The following COMMD10 variants were observed in gnomAD, a reference collection of about 807,000 sequenced individuals.
The protein encoded by COMMD10 is COMM domain-containing protein 10.
COMMD10 carries 33 observed loss-of-function variants against 28.9 expected under a neutral mutation model. The ratio of observed to expected loss-of-function variants is 1.14; its 90% CI spans 0.87 to 1.53. The LOEUF is 1.53. Ranked by LOEUF, COMMD10 falls within the 40% of genes most tolerant of loss-of-function variation. The pLI, the probability that COMMD10 is intolerant of heterozygous loss-of-function variation, is 0.00. For missense variants in COMMD10, 310 were observed against 233.4 expected (o/e 1.33, Z -2.14); for synonymous variants, 110 against 81.7 (o/e 1.35, Z -1.87).
chr5:116,152,951 G>A (rs894206520), intron 5 of COMMD10, among the ~76,000 whole-genome samples: 5 of 152,014 alleles, frequency 3.3e-5, no homozygotes, highest in Non-Finnish European at 5.9e-5. Flanking sequence ...TGGGTATTTT[G>A]TTTCCAGCTA....
chr5:116,241,734 T>C (rs931399935), intron 5 of COMMD10, among the ~76,000 whole-genome samples: 3 of 152,052 alleles, frequency 2.0e-5, no homozygotes, highest in Non-Finnish European at 4.4e-5. Flanking sequence ...TGCCTTAGCC[T>C]TCTGAGTAGC....
At chr5:116,170,511 A>T (rs1197118287) in intron 5 of COMMD10, among the ~76,000 whole-genome samples, 1 of 152,228 alleles carries the variant, frequency 6.6e-6, no homozygotes, top group Non-Finnish European at 1.5e-5. Flanking sequence ...GAACCAAAAA[A>T]GAACCCGTAT....
At position 116,134,086 on chromosome 5, in the gene COMMD10, C is replaced by T; in HGVS notation, c.418C>T (p.Gln140Ter). Reference sequence around the variant, plus strand: ...TTTATAGCTAGAGACCGTTGGATGGCAGCTTAACCTTCAGATGGCTCACTC... The same window carrying T: ...TTTATAGCTAGAGACCGTTGGATGGTAGCTTAACCTTCAGATGGCTCACTC... ...APCKLETVGW[Q>*]LNLQMAHSAQ... The change falls in exon 5 of 7, where the codon CAG becomes TAG. Residue 140 changes from glutamine (Q) to a stop codon, truncating the protein, a stop_gained. Transcript: ENST00000274458. LOFTEE classifies it high-confidence loss of function. The T allele has an allele frequency of 6.2e-7, 1 of 1,603,746 alleles. No homozygotes were observed. Among genetic ancestry groups the T allele is most frequent in the African/African-American group, 1.3e-5 (1 of 74,936 alleles).
chr5:116,226,404 C>T (rs1012516791), intron 5 of COMMD10, among the ~76,000 whole-genome samples: 1 of 134,076 alleles, frequency 7.5e-6, no homozygotes, highest in East Asian at 2.3e-4. Flanking sequence ...CATGTTTGCA[C>T]TTTGTACTTC....
At chr5:116,103,243 A>C (rs185685924) in intron 4 of COMMD10, among the ~76,000 whole-genome samples, 1 of 152,214 alleles carries the variant, frequency 6.6e-6, no homozygotes, top group African/African-American at 2.4e-5. Flanking sequence ...AGGAATTGCC[A>C]CACTGTCTTC....
intron 5 of COMMD10, 77 bp from the exon 6 acceptor site, chr5:116,291,440 T>G: frequency 1.0e-6 from 1 of 988,764 alleles, no homozygotes; most frequent in Non-Finnish European, 1.6e-6. Context: ...TGTCATATTC[T>G]GAGGTTAGCT....
chr5:116,172,410 C>T (rs1443513649), intron 5 of COMMD10, among the ~76,000 whole-genome samples: 1 of 152,094 alleles, frequency 6.6e-6, no homozygotes, highest in East Asian at 1.9e-4. Flanking sequence ...AATATGGATG[C>T]TGCCTCTTTG....
chr5:116,236,426 C>T (rs949221094), intron 5 of COMMD10, among the ~76,000 whole-genome samples: 1 of 150,920 alleles, frequency 6.6e-6, no homozygotes, highest in Non-Finnish European at 1.5e-5. Context: ...ATAGCTTGAT[C>T]CCAGGAGGCG....
At chr5:116,291,481 C>G (rs757039128) in intron 5 of COMMD10, 36 bp from the exon 6 acceptor site, 2 of 1,403,964 alleles carry the variant, frequency 1.4e-6, no homozygotes, top group Admixed American at 1.8e-5. Context: ...AAATTGTGTG[C>G]AACTACATTC....
At position 116,108,107 on chromosome 5, in the gene COMMD10, C is replaced by T. The variant is rs114964752; in HGVS notation, c.399+15407C>T. On this transcript the variant is annotated intron_variant, in intron 4 of 6. Coordinates refer to ENST00000274458, the MANE Select transcript of COMMD10 (RefSeq NM_016144.4). ...CAGCTCTCCTGTATGAGGTGTCTTTCGGCTCCCACTGTGGGGTTTCTCCCA... is the reference window on the plus strand; with the variant it reads ...CAGCTCTCCTGTATGAGGTGTCTTTTGGCTCCCACTGTGGGGTTTCTCCCA... Among the ~76,000 whole-genome samples the T allele has an allele frequency of 3.9e-3, 590 of 152,304 alleles. 3 individuals carry two copies. The highest frequency in any genetic ancestry group is 0.013 in the African/African-American group (543 of 41,562).
chr5:116,228,954 G>A (rs550836238), intron 5 of COMMD10, among the ~76,000 whole-genome samples: 1 of 151,958 alleles, frequency 6.6e-6, no homozygotes, highest in South Asian at 2.1e-4. Context: ...GATAGTATTA[G>A]GTAGGGTAGA....
Position 116,087,546 on chromosome 5 carries a change from C to G in COMMD10, c.91C>G (p.Pro31Ala). The change falls in exon 2 of 7, where the codon CCA becomes GCA. Residue 31 changes from proline (P) to alanine (A), a missense_variant. Physicochemically the swap from Pro to Ala is conservative, Grantham distance 27. Coordinates refer to ENST00000274458, the MANE Select transcript of COMMD10 (RefSeq NM_016144.4). ...AAATGCAATAGATACAGGAAGATTT[C>G]CACGGTTGCTCACTCGGATTCTTCA... Reference protein sequence around the residue: ...LINAIDTGRFPRLLTRILQKL... With the variant: ...LINAIDTGRFARLLTRILQKL... 6.2e-7 allele frequency: 1 copy of G among 1,612,784 alleles called. No individual in the cohort carries two copies.
chr5:116,232,171 A>C (rs970792454), intron 5 of COMMD10, among the ~76,000 whole-genome samples: 3 of 152,168 alleles, frequency 2.0e-5, no homozygotes, highest in East Asian at 1.9e-4. Flanking sequence ...CAGAAGTCCA[A>C]GTTACATTTG....
At chr5:116,249,090 T>A (rs1750040356) in intron 5 of COMMD10, among the ~76,000 whole-genome samples, 1 of 151,970 alleles carries the variant, frequency 6.6e-6, no homozygotes, top group Non-Finnish European at 1.5e-5. Flanking sequence ...CAGAGCATGG[T>A]TACCATTCAT....
intron 4 of COMMD10, among the ~76,000 whole-genome samples, chr5:116,113,959 TG>T (rs1423320262): frequency 6.6e-6 from 1 of 152,144 alleles, no homozygotes; most frequent in Non-Finnish European, 1.5e-5. Flanking sequence ...CCTTTATATG[TG>T]ACTTCGATGT....
intron 4 of COMMD10, among the ~76,000 whole-genome samples, chr5:116,114,193 A>G (rs1751155101): frequency 6.6e-6 from 1 of 152,018 alleles, no homozygotes; most frequent in Admixed American, 6.6e-5. Context: ...GCAGGTCTAT[A>G]TCTAGGGCAG....
intron 5 of COMMD10, among the ~76,000 whole-genome samples, chr5:116,234,610 G>C (rs1201604278): frequency 6.6e-6 from 1 of 152,134 alleles, no homozygotes; most frequent in African/African-American, 2.4e-5. Flanking sequence ...TTCAAATGGA[G>C]AAACCATTGA....
chr5:116,194,884 A>G (rs1580539075), intron 5 of COMMD10, among the ~76,000 whole-genome samples: 1 of 152,254 alleles, frequency 6.6e-6, no homozygotes, highest in Admixed American at 6.5e-5. Context: ...ACAGACCAAT[A>G]CCCTTGATGA....
chr5:116,169,714 G>A (rs1048648767), intron 5 of COMMD10, among the ~76,000 whole-genome samples: 4 of 151,988 alleles, frequency 2.6e-5, no homozygotes, highest in Admixed American at 6.6e-5. Flanking sequence ...GATCCATTGC[G>A]TAAACAGAAC....
Sources: gnomAD v4.1 joint callset for allele counts (sites outside exome capture counted in the v4.1 genomes callset) on GRCh38, gnomAD v4.1.1 for gene constraint, MANE v1.5 for transcripts, NCBI Gene and HGNC (gene_info 2026-07-23, HGNC 2026-07-21) for gene names.